Variants in ARHGAP26 observed in about 807,000 individuals in gnomAD.
The protein encoded by ARHGAP26 is rho GTPase-activating protein 26.
Under a neutral mutation model 104.8 loss-of-function variants are expected in ARHGAP26, and 38 were observed. That is an observed-to-expected ratio of 0.36 (90% CI 0.28 to 0.48). The LOEUF (loss-of-function observed/expected upper bound fraction) is 0.48. Among genes scored for constraint, ARHGAP26 ranks in the 20% least tolerant of loss-of-function variants. The probability of loss-of-function intolerance (pLI) is 0.99; values close to 1 mark genes in which losing one functional copy is unlikely to be tolerated. For missense variants in ARHGAP26, 704 were observed against 947.9 expected (o/e 0.74, Z 3.38); for synonymous variants, 341 against 340.0 (o/e 1.00, Z -0.03).
chr5:142,934,105 C>T (rs139478386), intron 11 of ARHGAP26, among the ~76,000 whole-genome samples: 37 of 152,250 alleles, frequency 2.4e-4, no homozygotes, highest in Non-Finnish European at 3.8e-4. Flanking sequence ...TGTCTCTCCC[C>T]CTGCCTCCAA....
chr5:142,831,332 T>C (rs181867), intron 1 of ARHGAP26, among the ~76,000 whole-genome samples: 46,926 of 151,902 alleles, frequency 0.31, 10,125 homozygotes, highest in African/African-American at 0.6. Flanking sequence ...TCTGATTTTC[T>C]CCCACCCCCT....
At position 142,879,422 on chromosome 5, in the gene ARHGAP26, A is replaced by G. The variant is rs1372409447; in HGVS notation, c.361A>G (p.Lys121Glu). ...CATCACTCCCTTGGAGAAGTTTCGA[A>G]AGGAACAGATCGGGGCTGCCAAGGT... is the stretch of plus-strand genomic sequence containing the variant. ...VLITPLEKFR[K>E]EQIGAAKEAK... The change falls in exon 4 of 23, where the codon AAG becomes GAG. Residue 121 changes from lysine (K) to glutamate (E), a missense_variant. Lys to Glu is a moderately conservative substitution (Grantham distance 56). Transcript: ENST00000645722. The G allele has an allele frequency of 9.3e-6, 15 of 1,613,980 alleles. No individual in the cohort carries two copies. Among genetic ancestry groups the G allele is most frequent in the Non-Finnish European group, 1.3e-5 (15 of 1,179,942 alleles).
intron 22 of ARHGAP26, 60 bp from the exon 23 acceptor site, chr5:143,222,298 C>G: frequency 7.9e-7 from 1 of 1,264,584 alleles, no homozygotes; most frequent in East Asian, 2.4e-5. Flanking sequence ...ACACACACAT[C>G]TGCCGCCTGC....
chr5:143,022,825 G>A (rs532554075), intron 12 of ARHGAP26, among the ~76,000 whole-genome samples: 17 of 152,166 alleles, frequency 1.1e-4, no homozygotes, highest in Admixed American at 4.6e-4. Context: ...CATTGCCAGG[G>A]TCATTTTTTT....
intron 20 of ARHGAP26, chr5:143,202,186 A>C (rs1312205892): frequency 1.3e-5 from 2 of 150,932 alleles, no homozygotes; most frequent in Non-Finnish European, 3.0e-5. Flanking sequence ...CTTTACCATT[A>C]TTTAATGCAC....
At chr5:143,058,640 C>T (rs992883015) in intron 17 of ARHGAP26, among the ~76,000 whole-genome samples, 1 of 152,224 alleles carries the variant, frequency 6.6e-6, no homozygotes, top group Non-Finnish European at 1.5e-5. Flanking sequence ...AAATTTGGCC[C>T]TTATAGTCCA....
At chr5:142,903,712 T>C (rs752588912) in intron 8 of ARHGAP26, 43 bp downstream of exon 8, 1 of 1,593,874 alleles carries the variant, frequency 6.3e-7, no homozygotes, top group South Asian at 1.1e-5. Flanking sequence ...TACTCAGGCC[T>C]CTTACCTAGA....
chr5:143,023,423 G>A (rs1250211557), intron 12 of ARHGAP26, among the ~76,000 whole-genome samples: 1 of 151,848 alleles, frequency 6.6e-6, no homozygotes, highest in East Asian at 1.9e-4. Flanking sequence ...AAGCCTTGAT[G>A]GGATCGCCTG....
At chr5:142,825,067 T>C (rs1341282080) in intron 1 of ARHGAP26, among the ~76,000 whole-genome samples, 3 of 152,156 alleles carry the variant, frequency 2.0e-5, no homozygotes, top group Admixed American at 2.0e-4. Flanking sequence ...TCCTTCAAGC[T>C]TGGAAAGTGG....
In ARHGAP26 at chr5:143,008,019, G is replaced by T. The variant is rs1778232313; in HGVS notation, c.1108-6061G>T. Among the ~76,000 whole-genome samples the T allele has an allele frequency of 3.3e-5, 5 of 152,300 alleles. No homozygotes were observed. In the South Asian group the frequency reaches 1.0e-3, roughly 32 times the overall value. ...CATAGGGGATACATTTCCATCACCA[G>T]AAGAGGCTTTTTGTTTTGTTTTTTT... On this transcript the variant is annotated intron_variant, in intron 11 of 22. Coordinates refer to ENST00000645722, the MANE Select transcript of ARHGAP26 (RefSeq NM_001135608.3).
chr5:142,996,636 G>T (rs951750225), intron 11 of ARHGAP26, among the ~76,000 whole-genome samples: 2 of 152,060 alleles, frequency 1.3e-5, no homozygotes, highest in Non-Finnish European at 2.9e-5. Flanking sequence ...CCCTCCTATT[G>T]TCTTGAGAAA....
chr5:143,147,665 G>C (rs746643046), intron 20 of ARHGAP26: 2 of 367,296 alleles, frequency 5.4e-6, no homozygotes, highest in Non-Finnish European at 9.8e-6. Flanking sequence ...CTGGCTGCTA[G>C]GCATGAAAAG....
intron 20 of ARHGAP26, among the ~76,000 whole-genome samples, chr5:143,193,575 CTTACT>C (rs1806301116): frequency 6.6e-6 from 1 of 152,070 alleles, no homozygotes. Flanking sequence ...TCAAGTAACC[CTTACT>C]TTACTTAACA....
intron 10 of ARHGAP26, among the ~76,000 whole-genome samples, chr5:142,915,353 C>CCT (rs1762341605): frequency 7.2e-6 from 1 of 139,166 alleles, no homozygotes; most frequent in Non-Finnish European, 1.6e-5. Context: ...TGAATCTCCT[C>CCT]TTTTTTTTTT....
chr5:143,102,590 G>A (rs545529169), intron 17 of ARHGAP26, among the ~76,000 whole-genome samples: 3 of 152,358 alleles, frequency 2.0e-5, no homozygotes, highest in African/African-American at 7.2e-5. Context: ...TTGTGGCCTG[G>A]TTACACCCCT....
intron 11 of ARHGAP26, among the ~76,000 whole-genome samples, chr5:142,977,962 A>C (rs1035658507): frequency 6.6e-6 from 1 of 152,210 alleles, no homozygotes; most frequent in Non-Finnish European, 1.5e-5. Context: ...CATGGCTGGG[A>C]TGGTTGACAG....
chr5:142,771,471 GGAGT>G (rs1354424064), intron 1 of ARHGAP26: 2 of 1,170,508 alleles, frequency 1.7e-6, no homozygotes, highest in Non-Finnish European at 2.1e-6. Flanking sequence ...GCGATTCCTT[GGAGT>G]ATTGGCAGCC....
At chr5:142,873,630 C>A in intron 2 of ARHGAP26, 135 bp downstream of exon 2, 2 of 576,816 alleles carry the variant, frequency 3.5e-6, no homozygotes, top group Non-Finnish European at 5.7e-6. Flanking sequence ...AAGTGGAGGG[C>A]CAGAGATATG....
chr5:143,140,826 A>T (rs1314356056), intron 19 of ARHGAP26, among the ~76,000 whole-genome samples: 2 of 152,166 alleles, frequency 1.3e-5, no homozygotes, highest in Non-Finnish European at 2.9e-5. Flanking sequence ...TATAGCTCTG[A>T]ATAATTTTTT....
Sources: allele counts gnomAD v4.1 joint callset (sites outside exome capture counted in the v4.1 genomes callset), GRCh38; gene constraint gnomAD v4.1.1; transcripts MANE v1.5; gene names NCBI Gene and HGNC (gene_info 2026-07-23, HGNC 2026-07-21).